Variants in BMPR2 observed in about 807,000 individuals in gnomAD.
BMPR2 encodes the protein bone morphogenetic protein receptor type 2.
A neutral mutation model predicts 100.8 loss-of-function variants in BMPR2; 29 were observed. That is an observed-to-expected ratio of 0.29 (90% CI 0.21 to 0.39). BMPR2 has a LOEUF of 0.39. Among genes scored for constraint, BMPR2 ranks in the 10% least tolerant of loss-of-function variants. The pLI, the probability that BMPR2 is intolerant of heterozygous loss-of-function variation, is 1.00. For missense variants in BMPR2, 1,011 were observed against 1,274.5 expected (o/e 0.79, Z 3.15); for synonymous variants, 382 against 442.3 (o/e 0.86, Z 1.71).
In BMPR2 at chr2:202,440,784, G is replaced by A. The variant is rs530848422; in HGVS notation, c.77-24025G>A. On this transcript the variant is annotated intron_variant, in intron 1 of 12. Transcript: ENST00000374580. ...CTTGGCTTGGCATCAGAGGGAGACC[G>A]GGGAGACCGGGGAGACCGGGGAGAC... Among the ~76,000 whole-genome samples, 394 of 149,544 alleles carry A rather than the reference G, an allele frequency of 2.6e-3. 29 individuals carry two copies. The highest frequency in any genetic ancestry group is 9.3e-3 in the African/African-American group (364 of 39,146).
chr2:202,436,750 A>C (rs1157402995), intron 1 of BMPR2, among the ~76,000 whole-genome samples: 1 of 150,648 alleles, frequency 6.6e-6, no homozygotes, highest in Non-Finnish European at 1.5e-5. Context: ...CTATTCCTAG[A>C]AAATGATGTA....
intron 3 of BMPR2, among the ~76,000 whole-genome samples, chr2:202,470,115 G>T (rs537403266): frequency 6.6e-6 from 1 of 151,106 alleles, no homozygotes; most frequent in Non-Finnish European, 1.5e-5. Context: ...AGACTGAGGC[G>T]GGCAGATCAC....
chr2:202,546,707 G>A (rs547661556), intron 10 of BMPR2, among the ~76,000 whole-genome samples: 47 of 152,198 alleles, frequency 3.1e-4, no homozygotes, highest in African/African-American at 1.1e-3. Flanking sequence ...GGGTTCAAGC[G>A]ATTTTTCTGG....
chr2:202,542,384 G>A lies in BMPR2; in HGVS notation c.1350G>A (p.Gln450=), dbSNP rs1444135579. ...ACCATCCCACTTTTGAGGATATGCA[G>A]GTTCTCGTGTCTAGGGAAAAACAGA... ...VGNHPTFEDM[Q]VLVSREKQRP... The change falls in exon 10 of 13, where the codon CAG becomes CAA. Residue 450 remains glutamine, a synonymous_variant. Transcript: ENST00000374580. 2 of 1,614,058 alleles carry A rather than the reference G, an allele frequency of 1.2e-6. No homozygotes were observed. The highest frequency in any genetic ancestry group is 1.7e-6 in the Non-Finnish European group (2 of 1,180,004).
chr2:202,435,017 C>A (rs2105934216), intron 1 of BMPR2, among the ~76,000 whole-genome samples: 1 of 141,916 alleles, frequency 7.0e-6, no homozygotes, highest in Admixed American at 7.1e-5. Context: ...GAGTTGCAGA[C>A]CCGCCTGGGC....
chr2:202,407,326 A>T (rs939521417), intron 1 of BMPR2, among the ~76,000 whole-genome samples: 11 of 151,702 alleles, frequency 7.3e-5, no homozygotes, highest in African/African-American at 2.7e-4. Flanking sequence ...CTCCTGATCC[A>T]TCCTTCTTGG....
At chr2:202,398,818 C>T (rs1178893865) in intron 1 of BMPR2, among the ~76,000 whole-genome samples, 1 of 152,168 alleles carries the variant, frequency 6.6e-6, no homozygotes, top group Non-Finnish European at 1.5e-5. Flanking sequence ...TTCAATGGCA[C>T]TTATGTACTT....
chr2:202,388,591 T>C (rs185707573), intron 1 of BMPR2, among the ~76,000 whole-genome samples: 18 of 151,762 alleles, frequency 1.2e-4, no homozygotes, highest in Admixed American at 3.9e-4. Context: ...GAGACTAGCC[T>C]GGCTAACACG....
chr2:202,523,503 TATAAAAA>T (rs1687854962), intron 7 of BMPR2, among the ~76,000 whole-genome samples: 1 of 152,140 alleles, frequency 6.6e-6, no homozygotes, highest in Non-Finnish European at 1.5e-5. Flanking sequence ...GTGGACTGGA[TATAAAAA>T]ATGTGTTAAA....
At chr2:202,549,430 T>C (rs758190660) in intron 10 of BMPR2, among the ~76,000 whole-genome samples, 1 of 152,174 alleles carries the variant, frequency 6.6e-6, no homozygotes, top group Admixed American at 6.5e-5. Flanking sequence ...TATAAACATA[T>C]GGTTTCATTT....
chr2:202,533,745 C>G (rs1688070753), intron 9 of BMPR2, among the ~76,000 whole-genome samples: 1 of 152,152 alleles, frequency 6.6e-6, no homozygotes, highest in African/African-American at 2.4e-5. Flanking sequence ...ATTGCTTGAA[C>G]CCAGTAGGCG....
At position 202,557,464 on chromosome 2, in the gene BMPR2, A is replaced by AACACACACAC. The variant is rs138065331; in HGVS notation, c.2866+975_2866+984dup. 1.6e-3 allele frequency among the ~76,000 whole-genome samples: 196 copies of AACACACACAC among 125,444 alleles called. 1 individual carries two copies. Among genetic ancestry groups the AACACACACAC allele is most frequent in the Middle Eastern group, 4.0e-3 (1 of 252 alleles). The allele number at this position is 125,444 out of a possible 152,430, so 82.3% of individuals were successfully genotyped here. Reference sequence around the variant, plus strand: ...GGTGACAGAATGAAACTCTGTCTCAAACACACACACACACACACACACACA... The same window carrying AACACACACAC: ...GGTGACAGAATGAAACTCTGTCTCAAACACACACACACACACACACACACACACACACACA... On this transcript the variant is annotated intron_variant, in intron 12 of 12. Coordinates refer to ENST00000374580, the MANE Select transcript of BMPR2 (RefSeq NM_001204.7).
chr2:202,542,461 A>G lies in BMPR2; in HGVS notation c.1413+14A>G, dbSNP rs781738677. The G allele has an allele frequency of 5.0e-6, 8 of 1,613,322 alleles. No homozygotes were observed. The highest frequency in any genetic ancestry group is 2.7e-5 in the African/African-American group (2 of 75,012). On this transcript the variant is annotated intron_variant, in intron 10 of 12. Transcript: ENST00000374580. The stretch of plus-strand genomic sequence containing the variant: ...GAAAATAGCCTGGTAAGAAAAAACT[A>G]AGTTATTAAAGAGAGGACTTATGAC...
chr2:202,535,277 C>T (rs1372367189), intron 9 of BMPR2, among the ~76,000 whole-genome samples: 1 of 151,832 alleles, frequency 6.6e-6, no homozygotes, highest in Admixed American at 6.6e-5. Flanking sequence ...AGAGGCTCCT[C>T]ACTTCTCAGA....
At chr2:202,481,674 T>C (rs540300831) in intron 3 of BMPR2, among the ~76,000 whole-genome samples, 81 of 152,228 alleles carry the variant, frequency 5.3e-4, no homozygotes, top group South Asian at 1.4e-3. Context: ...CCTTATTTCA[T>C]TTATTTCAAC....
chr2:202,457,436 T>G (rs1487026098), intron 1 of BMPR2, among the ~76,000 whole-genome samples: 2 of 151,332 alleles, frequency 1.3e-5, no homozygotes, highest in Non-Finnish European at 2.9e-5. Flanking sequence ...TCAATATAGA[T>G]TTATAATGAC....
rs373184281 is a variant in BMPR2 at position 202,460,079 on chromosome 2, A to G, written c.77-4730A>G. ...ACGATATATCATCTCACACTGGTCA[A>G]AATGGCTATTATCAAAAAGTCAAAA... is the stretch of plus-strand genomic sequence containing the variant. On this transcript the variant is annotated intron_variant, in intron 1 of 12. Transcript: ENST00000374580. Among the ~76,000 whole-genome samples, 3 of 152,236 alleles carry G rather than the reference A, an allele frequency of 2.0e-5. No individual in the cohort carries two copies. The South Asian group carries it at 6.2e-4, about 32-fold the overall frequency.
chr2:202,536,897 C>G (rs1447145873), intron 9 of BMPR2, among the ~76,000 whole-genome samples: 2 of 145,272 alleles, frequency 1.4e-5, no homozygotes, highest in South Asian at 2.2e-4. Flanking sequence ...AAAAGAAGTA[C>G]TTTTTTTGTT....
intron 1 of BMPR2, among the ~76,000 whole-genome samples, chr2:202,396,859 G>C (rs1269400392): frequency 6.6e-6 from 1 of 151,752 alleles, no homozygotes; most frequent in South Asian, 2.1e-4. Context: ...GTGCAGTGGC[G>C]CGATCTCGGC....
Sources: allele counts gnomAD v4.1 joint callset (sites outside exome capture counted in the v4.1 genomes callset), GRCh38; gene constraint gnomAD v4.1.1; transcripts MANE v1.5; gene names NCBI Gene and HGNC (gene_info 2026-07-23, HGNC 2026-07-21).